The following NBEAL1 variants were observed in gnomAD, a reference collection of about 807,000 sequenced individuals.
NBEAL1 encodes neurobeachin-like protein 1.
In NBEAL1, 273 loss-of-function variants were observed where a neutral mutation model predicts 351.3. The observed-to-expected ratio is 0.78, with a 90% CI of 0.70 to 0.86. NBEAL1 has a LOEUF of 0.86. Among genes scored for constraint, NBEAL1 ranks in the 40% least tolerant of loss-of-function variants. The pLI is 0.00. For synonymous variants in NBEAL1, 1,050 were observed against 1,086.4 expected (o/e 0.97, Z 0.66); for missense variants, 2,961 against 3,201.3 (o/e 0.92, Z 1.81).
chr2:203,047,098 G>A (rs539215663), intron 3 of NBEAL1, among the ~76,000 whole-genome samples: 3 of 152,250 alleles, frequency 2.0e-5, no homozygotes, highest in East Asian at 1.9e-4. Flanking sequence ...ATTAGCGGGC[G>A]TGGTGGCACA....
intron 46 of NBEAL1, chr2:203,191,342 A>C (rs2065082186): frequency 2.4e-5 from 2 of 82,064 alleles, no homozygotes; most frequent in Non-Finnish European, 6.2e-5. Context: ...AAAAGAATCA[A>C]ATTATAGAAT....
At position 203,077,775 on chromosome 2, in the gene NBEAL1, C is replaced by A. The variant is rs1468756367; in HGVS notation, c.622C>A (p.Leu208Ile). The change falls in exon 8 of 56, where the codon CTC (leucine) becomes ATC (isoleucine). Residue 208 changes from leucine to isoleucine, a missense_variant. Leu to Ile is a conservative substitution (Grantham distance 5, BLOSUM62 2). Transcript: ENST00000683969. ...AGAATGTTTTCAGGAAAGTGAACATCTCAAGGAAAGTCTTAAATGTTGCTT... is the reference window on the plus strand; with the variant it reads ...AGAATGTTTTCAGGAAAGTGAACATATCAAGGAAAGTCTTAAATGTTGCTT... ...FYQCFQESEH[L>I]KESLKCCLLH... 1.4e-6 allele frequency: 2 copies of A among 1,460,294 alleles called. No homozygotes were observed. Among genetic ancestry groups the A allele is most frequent in the Admixed American group, 4.5e-5 (2 of 44,004 alleles). The allele number at this position is 1,460,294 out of a possible 1,614,324, so 90.5% of individuals were successfully genotyped here.
intron 47 of NBEAL1, among the ~76,000 whole-genome samples, chr2:203,195,374 A>G (rs959859865): frequency 6.6e-6 from 1 of 152,138 alleles, no homozygotes; most frequent in African/African-American, 2.4e-5. Context: ...TCCTAAATCC[A>G]TGTTTACTGA....
intron 6 of NBEAL1, among the ~76,000 whole-genome samples, chr2:203,068,014 A>G (rs980028635): frequency 6.6e-6 from 1 of 152,246 alleles, no homozygotes; most frequent in Non-Finnish European, 1.5e-5. Context: ...AGAAAGTGGC[A>G]GAGTAGCCTG....
chr2:203,028,878 G>C (rs1271031044), intron 2 of NBEAL1, among the ~76,000 whole-genome samples: 2 of 151,960 alleles, frequency 1.3e-5, no homozygotes, highest in Non-Finnish European at 1.5e-5. Flanking sequence ...AGAAAGTATA[G>C]AGCATTCCCA....
chr2:203,113,135 AT>A lies in NBEAL1; in HGVS notation c.2325del (p.Leu776CysfsTer15). The A allele has an allele frequency of 6.4e-7, 1 of 1,553,426 alleles. No homozygotes were observed. The highest frequency in any genetic ancestry group is 2.4e-5 in the East Asian group (1 of 41,644). On this transcript the variant is annotated frameshift_variant, in exon 17 of 56. Coordinates refer to ENST00000683969, the MANE Select transcript of NBEAL1 (RefSeq NM_001378026.1). LOFTEE classifies it high-confidence loss of function. Reference sequence around the variant, plus strand: ...CCCTCATCGGACATCATTTGGTGGAATTCTGTCATCAGCCTCCTGGGGAGGA... The same window carrying A: ...CCCTCATCGGACATCATTTGGTGGAATCTGTCATCAGCCTCCTGGGGAGGA... Reference protein sequence around the residue: ...ITPHRTSFGGILSSASWGGTI... With the variant: ...ITPHRTSFGGXLSSASWGGTI...
intron 45 of NBEAL1, among the ~76,000 whole-genome samples, chr2:203,189,293 A>G (rs2064999876): frequency 6.6e-6 from 1 of 152,216 alleles, no homozygotes. Flanking sequence ...ATTTTTGTGT[A>G]GTTATTACTC....
intron 55 of NBEAL1, among the ~76,000 whole-genome samples, chr2:203,215,831 C>G (rs370728265): frequency 1.3e-5 from 2 of 151,678 alleles, no homozygotes; most frequent in Admixed American, 6.6e-5. Flanking sequence ...GGCAACATGT[C>G]GAAACCCTGT....
intron 35 of NBEAL1, among the ~76,000 whole-genome samples, chr2:203,155,508 C>T (rs1052830810): frequency 6.6e-6 from 1 of 152,112 alleles, no homozygotes; most frequent in Non-Finnish European, 1.5e-5. Context: ...GCAGTCACCA[C>T]TCATTGCAGC....
chr2:203,130,486 T>G lies in NBEAL1; in HGVS notation c.3564+10T>G. ...AGAAATCATTTTTAAGGTACAAACA[T>G]TTCTTAAACATCTTTGTATTTTGAG... On this transcript the variant is annotated intron_variant, in intron 25 of 55. Transcript: ENST00000683969. The G allele has an allele frequency of 7.1e-7, 1 of 1,400,110 alleles. No individual in the cohort carries two copies. Among genetic ancestry groups the G allele is most frequent in the Non-Finnish European group, 9.3e-7 (1 of 1,077,556 alleles). 86.7% of individuals were successfully genotyped at this position (1,400,110 alleles called of 1,614,324 possible). A position where few individuals can be genotyped will look rare whatever the true frequency, so the allele number is the denominator to read the frequency against.
intron 6 of NBEAL1, among the ~76,000 whole-genome samples, chr2:203,060,410 C>T (rs921559110): frequency 2.6e-5 from 4 of 152,242 alleles, no homozygotes; most frequent in South Asian, 4.1e-4. Context: ...AAACTTGCCA[C>T]ATGAGGCCAG....
chr2:203,204,558 G>A (rs561933807), intron 51 of NBEAL1, among the ~76,000 whole-genome samples: 14 of 151,748 alleles, frequency 9.2e-5, no homozygotes, highest in East Asian at 3.9e-4. Context: ...GGCTGGTCTC[G>A]AACTCCTAGG....
At position 203,107,409 on chromosome 2, in the gene NBEAL1, C is replaced by T; in HGVS notation, c.1270-11C>T. The T allele has an allele frequency of 7.1e-7, 1 of 1,401,310 alleles. No homozygotes were observed. The highest frequency in any genetic ancestry group is 9.8e-7 in the Non-Finnish European group (1 of 1,018,548). 86.8% of individuals were successfully genotyped at this position (1,401,310 alleles called of 1,614,324 possible). ...AAATGTACTTTGATATATTGTCTTC[C>T]CATCCCCTAGGAAGTATTTAAAGAA... On this transcript the variant is annotated splice_polypyrimidine_tract_variant and intron_variant, in intron 12 of 55. Coordinates refer to ENST00000683969, the MANE Select transcript of NBEAL1 (RefSeq NM_001378026.1).
At chr2:203,213,885 A>G (rs188657702) in intron 55 of NBEAL1, 50 of 643,052 alleles carry the variant, frequency 7.8e-5, no homozygotes, top group Middle Eastern at 7.9e-4. Flanking sequence ...TATAGGAATA[A>G]GACAGTTCAT....
intron 8 of NBEAL1, among the ~76,000 whole-genome samples, chr2:203,082,427 T>C (rs2061889841): frequency 6.6e-6 from 1 of 152,264 alleles, no homozygotes; most frequent in Non-Finnish European, 1.5e-5. Flanking sequence ...ACAGTCCTAA[T>C]GGCTTAAGTG....
At position 203,037,611 on chromosome 2, in the gene NBEAL1, C is replaced by T. The variant is rs192580593; in HGVS notation, c.52-4154C>T. Among the ~76,000 whole-genome samples, 74 of 148,878 alleles carry T rather than the reference C, an allele frequency of 5.0e-4. 9 individuals are homozygous for T. In the Middle Eastern group the frequency reaches 0.01, roughly 21 times the overall value. On this transcript the variant is annotated intron_variant, in intron 2 of 55. Coordinates refer to ENST00000683969, the MANE Select transcript of NBEAL1 (RefSeq NM_001378026.1). The stretch of plus-strand genomic sequence containing the variant: ...AGTTCCCTCTGTGCCCCTTTGCAGT[C>T]GGTCCTCCCAGAGGCAGCCATGTTG...
chr2:203,101,922 T>C (rs542145920), intron 12 of NBEAL1, among the ~76,000 whole-genome samples: 1 of 152,344 alleles, frequency 6.6e-6, no homozygotes, highest in African/African-American at 2.4e-5. Context: ...TTAACAGTAT[T>C]GATTCTTCCT....
chr2:203,197,217 A>T, intron 47 of NBEAL1, 85 bp from the exon 48 acceptor site: 2 of 727,266 alleles, frequency 2.8e-6, no homozygotes, highest in Admixed American at 4.8e-5. Flanking sequence ...CACAGGATTC[A>T]TCCTTATTTA....
chr2:203,138,373 A>C (rs2063276491), intron 30 of NBEAL1, 58 bp downstream of exon 30: 1 of 1,510,748 alleles, frequency 6.6e-7, no homozygotes, highest in African/African-American at 1.4e-5. Context: ...TATTCAAAGA[A>C]AAATTTTGCA....
Sources: gnomAD v4.1 joint callset for allele counts (sites outside exome capture counted in the v4.1 genomes callset) on GRCh38, gnomAD v4.1.1 for gene constraint, MANE v1.5 for transcripts, NCBI Gene and HGNC (gene_info 2026-07-23, HGNC 2026-07-21) for gene names.